The following KIF14 variants were observed in gnomAD, a reference collection of about 807,000 sequenced individuals.
The protein encoded by KIF14 is kinesin-like protein KIF14.
KIF14 carries 98 observed loss-of-function variants against 176.2 expected under a neutral mutation model. The observed-to-expected ratio is 0.56, with a 90% CI of 0.47 to 0.66. KIF14 has a LOEUF of 0.66. Ranked by LOEUF, KIF14 falls within the 30% of genes least tolerant of loss-of-function variation. KIF14 has a pLI of 0.00. For synonymous variants in KIF14, 566 were observed against 632.2 expected (o/e 0.90, Z 1.57); for missense variants, 1,751 against 1,920.4 (o/e 0.91, Z 1.65).
intron 22 of KIF14, among the ~76,000 whole-genome samples, chr1:200,573,429 T>TTTTTTTTTTTTTTTTTTTTTTTG (rs1657927806): frequency 3.0e-5 from 1 of 33,048 alleles, no homozygotes; most frequent in Admixed American, 3.2e-4. Context: ...GCTCATTTCT[T>TTTTTTTTTTTTTTTTTTTTTTTG]TTTTTTTTTT....
Position 200,618,306 on chromosome 1 carries a change from A to C in KIF14, c.418T>G (p.Ser140Ala), listed in dbSNP as rs1246976478. The change falls in exon 2 of 30, where the codon TCT (serine) becomes GCT (alanine). Residue 140 changes from serine to alanine, a missense_variant. By Grantham distance (99) the Ser-to-Ala change is moderately conservative. Transcript: ENST00000367350. ...CCCACATTCAGTGTCATTTTGACAGAATCTATTTCAGCTGTTTTCCACTTT... is the reference window on the plus strand; with the variant it reads ...CCCACATTCAGTGTCATTTTGACAGCATCTATTTCAGCTGTTTTCCACTTT... ...AEKWKTAEID[S>A]VKMTLNVGGE... 6.2e-7 allele frequency: 1 copy of C among 1,613,766 alleles called. No homozygotes were observed. The highest frequency in any genetic ancestry group is 8.5e-7 in the Non-Finnish European group (1 of 1,180,014).
At chr1:200,606,354 T>A (rs1033418617) in intron 6 of KIF14, among the ~76,000 whole-genome samples, 3 of 152,160 alleles carry the variant, frequency 2.0e-5, no homozygotes, top group Non-Finnish European at 4.4e-5. Flanking sequence ...TGCATCAAAC[T>A]CTTAACTCTT....
intron 9 of KIF14, 61 bp from the exon 10 acceptor site, chr1:200,603,402 A>T: frequency 1.3e-6 from 1 of 799,346 alleles, no homozygotes; most frequent in Non-Finnish European, 2.1e-6. Context: ...AATTTATTTC[A>T]CAAAATATAT....
At chr1:200,560,663 T>C (rs1357296439) in intron 26 of KIF14, 59 bp downstream of exon 26, 1 of 1,551,114 alleles carries the variant, frequency 6.4e-7, no homozygotes, top group Non-Finnish European at 8.9e-7. Flanking sequence ...ACTGTACTAT[T>C]ATCAAAAGTC....
intron 9 of KIF14, 69 bp from the exon 10 acceptor site, chr1:200,603,410 T>G: frequency 1.3e-6 from 1 of 759,862 alleles, no homozygotes. Context: ...TCACAAAATA[T>G]ATTTCTCCCC....
At position 200,569,945 on chromosome 1, in the gene KIF14, A is replaced by T. The variant is rs745895450; in HGVS notation, c.3627T>A (p.His1209Gln). 6.2e-6 allele frequency: 10 copies of T among 1,602,176 alleles called. No homozygotes were observed. The highest frequency in any genetic ancestry group is 7.7e-6 in the Non-Finnish European group (9 of 1,172,234). The part of the protein sequence containing the change: ...ISGCLHDIQV[H>Q]PIKNLHSSHS... The stretch of plus-strand genomic sequence containing the variant: ...GTGAAGAATGCAAATTCTTAATTGG[A>T]TGGACTTGTATGTCATGTAAACAAC... Residue 1209 changes from histidine to glutamine, a missense_variant, in exon 23 of 30, where the codon CAT becomes CAA. Transcript: ENST00000367350.
rs1309757732 is a variant in KIF14, at chr1:200,605,163, G to T, written c.1746+120C>A. On this transcript the variant is annotated intron_variant, in intron 8 of 29. Transcript: ENST00000367350. ...TTGCCTGTGGAAAAAAAATACCTTG[G>T]TCTGGGTGATCACCAGGGTGAAAAC... is the stretch of plus-strand genomic sequence containing the variant. The T allele has an allele frequency of 5.4e-6, 5 of 927,178 alleles. No homozygotes were observed. In the African/African-American group the frequency reaches 8.3e-5, roughly 15 times the overall value. The allele number at this position is 927,178 out of a possible 1,614,324, so 57.4% of individuals were successfully genotyped here. A position where few individuals can be genotyped will look rare whatever the true frequency, so the allele number is the denominator to read the frequency against.
chr1:200,553,594 A>C lies in KIF14; in HGVS notation c.4741T>G (p.Cys1581Gly). 1.9e-6 allele frequency: 3 copies of C among 1,614,146 alleles called. No homozygotes were observed. Among genetic ancestry groups the C allele is most frequent in the Non-Finnish European group, 2.5e-6 (3 of 1,180,010 alleles). Residue 1581 changes from cysteine (C) to glycine (G), a missense_variant, in exon 30 of 30, where the codon TGT becomes GGT. Cys to Gly is a radical substitution (Grantham distance 159). Coordinates refer to ENST00000367350, the MANE Select transcript of KIF14 (RefSeq NM_014875.3). ...LESLAKSLLF[C>G]FESEESPDLL... Reference sequence around the variant, plus strand: ...TCAGGGCTTTCTTCAGATTCAAAACAAAAGAGGAGAGACTTAGCTAGAGAT... The same window carrying C: ...TCAGGGCTTTCTTCAGATTCAAAACCAAAGAGGAGAGACTTAGCTAGAGAT...
intron 25 of KIF14, among the ~76,000 whole-genome samples, chr1:200,561,487 C>A (rs1365692656): frequency 6.8e-6 from 1 of 146,658 alleles, no homozygotes; most frequent in South Asian, 2.2e-4. Flanking sequence ...TGCAGTGAGC[C>A]GAGATCGCAC....
chr1:200,604,834 A>T (rs969185677), intron 8 of KIF14, among the ~76,000 whole-genome samples: 1 of 152,082 alleles, frequency 6.6e-6, no homozygotes, highest in African/African-American at 2.4e-5. Context: ...GCTAAATTTT[A>T]AAAAATCTTT....
At chr1:200,574,937 A>ATTTTTTT (rs35584654) in intron 22 of KIF14, among the ~76,000 whole-genome samples, 11 of 110,668 alleles carry the variant, frequency 9.9e-5, no homozygotes, top group South Asian at 3.0e-4. Flanking sequence ...AGAAAGGGTA[A>ATTTTTTT]TTTTTTTTTT....
At chr1:200,598,127 A>C in intron 14 of KIF14, 110 bp downstream of exon 14, 1 of 923,868 alleles carries the variant, frequency 1.1e-6, no homozygotes, top group Admixed American at 2.6e-5. Flanking sequence ...AATGGGTTTG[A>C]AGAATTCTAC....
chr1:200,580,336 C>T lies in KIF14; in HGVS notation c.3383G>A (p.Arg1128His), dbSNP rs764845786. Residue 1128 changes from arginine to histidine, a missense_variant, in exon 21 of 30, where the codon CGT becomes CAT. Coordinates refer to ENST00000367350, the MANE Select transcript of KIF14 (RefSeq NM_014875.3). ...TGTTGAGATTCCTAGTTTCAGGTTA[C>T]GAACCCGAATAGAAGTGTCAGAACT... ...KSSSDTSIRV[R>H]NLKLGISTFW... is the part of the protein sequence containing the mutation. 6.2e-5 allele frequency: 95 copies of T among 1,524,106 alleles called. No individual in the cohort carries two copies. Among genetic ancestry groups the T allele is most frequent in the Middle Eastern group, 1.7e-4 (1 of 5,740 alleles). The allele number at this position is 1,524,106 out of a possible 1,614,324, so 94.4% of individuals were successfully genotyped here.
In KIF14 at chr1:200,605,867, G is replaced by T; in HGVS notation, c.1635C>A (p.Ile545=). The T allele has an allele frequency of 1.3e-6, 2 of 1,523,002 alleles. No homozygotes were observed. Among genetic ancestry groups the T allele is most frequent in the African/African-American group, 1.4e-5 (1 of 70,300 alleles). The allele number at this position is 1,523,002 out of a possible 1,614,324, so 94.3% of individuals were successfully genotyped here. A position where few individuals can be genotyped will look rare whatever the true frequency, so the allele number is the denominator to read the frequency against. The stretch of plus-strand genomic sequence containing the variant: ...AAGAAAACAAAATCAATCTTACCTG[G>T]ATATCAGCGTAAGAACTGACAATGT... ...SMNIVSSYAD[I]QSWLELGNKQ... The change falls in exon 7 of 30, where the codon ATC becomes ATA. Residue 545 remains isoleucine (I), a synonymous_variant. Transcript: ENST00000367350.
At chr1:200,608,198 T>C (rs914947613) in intron 5 of KIF14, among the ~76,000 whole-genome samples, 46 of 152,156 alleles carry the variant, frequency 3.0e-4, no homozygotes, top group African/African-American at 1.1e-3. Flanking sequence ...AAAGTTTTAC[T>C]ATGTTTTGGC....
chr1:200,588,907 A>G (rs892660028), intron 18 of KIF14, among the ~76,000 whole-genome samples: 5 of 152,154 alleles, frequency 3.3e-5, no homozygotes, highest in Non-Finnish European at 7.4e-5. Context: ...TTCCTTCCTC[A>G]TATGTGACCT....
Position 200,573,427 on chromosome 1 carries a change from C to CTTTTTTTTTTTTTTTTTTT in KIF14, c.3566+2145_3566+2163dup, listed in dbSNP as rs869174532. On this transcript the variant is annotated intron_variant, in intron 22 of 29. Coordinates refer to ENST00000367350, the MANE Select transcript of KIF14 (RefSeq NM_014875.3). ...TTCCCTACACTCAAGGAGCTCATTT[C>CTTTTTTTTTTTTTTTTTTT]TTTTTTTTTTTTTTTTTTTTTTTTG... Among the ~76,000 whole-genome samples the CTTTTTTTTTTTTTTTTTTT allele has an allele frequency of 3.3e-4, 26 of 77,746 alleles. 2 individuals are homozygous for CTTTTTTTTTTTTTTTTTTT. The highest frequency in any genetic ancestry group is 6.8e-4 in the African/African-American group (12 of 17,558). 51.0% of individuals were successfully genotyped at this position (77,746 alleles called of 152,430 possible).
At chr1:200,595,847 G>A (rs1334845780) in intron 14 of KIF14, among the ~76,000 whole-genome samples, 1 of 147,314 alleles carries the variant, frequency 6.8e-6, no homozygotes, top group Non-Finnish European at 1.5e-5. Context: ...CACGAGAATC[G>A]CTTGAACCCA....
chr1:200,570,091 A>G, intron 22 of KIF14, 86 bp from the exon 23 acceptor site: 1 of 598,098 alleles, frequency 1.7e-6, no homozygotes, highest in Non-Finnish European at 2.8e-6. Context: ...TCTAAAGAAA[A>G]TGGACATTCA....
Sources: gnomAD v4.1 joint callset for allele counts (sites outside exome capture counted in the v4.1 genomes callset) on GRCh38, gnomAD v4.1.1 for gene constraint, MANE v1.5 for transcripts, NCBI Gene and HGNC (gene_info 2026-07-23, HGNC 2026-07-21) for gene names.